TENT4A: variants seen among roughly 807,000 people sequenced by gnomAD.
TENT4A encodes DNA polymerase kappa.
In TENT4A, 7 loss-of-function variants were observed where a neutral mutation model predicts 72.8. The observed-to-expected ratio is 0.10, with a 90% confidence interval of 0.05 to 0.18. TENT4A has a LOEUF of 0.18. Among genes scored for constraint, TENT4A ranks in the 10% least tolerant of loss-of-function variants. TENT4A has a pLI of 1.00. For missense variants in TENT4A, 831 were observed against 1,017.7 expected (o/e 0.82, Z 2.50); for synonymous variants, 456 against 434.3 (o/e 1.05, Z -0.62).
chr5:6,725,007 G>A (rs1740839228), intron 1 of TENT4A, among the ~76,000 whole-genome samples: 1 of 152,232 alleles, frequency 6.6e-6, no homozygotes, highest in South Asian at 2.1e-4. Flanking sequence ...AGCGAGAATT[G>A]TCCAAAGAGA....
intron 1 of TENT4A, among the ~76,000 whole-genome samples, chr5:6,733,773 G>A (rs758746817): frequency 2.0e-5 from 3 of 152,224 alleles, no homozygotes; most frequent in Non-Finnish European, 4.4e-5. Flanking sequence ...AGTAAAGGAG[G>A]TATGTTGTAG....
chr5:6,722,776 A>G (rs1740725668), intron 1 of TENT4A, among the ~76,000 whole-genome samples: 2 of 152,192 alleles, frequency 1.3e-5, no homozygotes, highest in African/African-American at 2.4e-5. Flanking sequence ...AGCTTCTAAC[A>G]TAGTGTTCTG....
rs747425855 is a variant in TENT4A at position 6,750,398 on chromosome 5, C to T, written c.1755C>T (p.Pro585=). 21 of 1,613,054 alleles carry T rather than the reference C, an allele frequency of 1.3e-5. No individual in the cohort carries two copies. Among genetic ancestry groups the T allele is most frequent in the Middle Eastern group, 1.6e-4 (1 of 6,078 alleles). ...CNGEQTQNRE[P]ESPYGQRLTL... ...GGGAGCAGACGCAGAACCGAGAGCC[C>T]GAGTCTCCCTATGGCCAGCGCTTGA... Residue 585 remains proline, a synonymous_variant, in exon 10 of 13, where the codon CCC becomes CCT. Coordinates refer to ENST00000230859, the MANE Select transcript of TENT4A (RefSeq NM_006999.6).
chr5:6,742,413 A>T (rs1463859138), intron 4 of TENT4A, 77 bp from the exon 5 acceptor site: 2 of 898,724 alleles, frequency 2.2e-6, no homozygotes, highest in East Asian at 4.9e-5. Context: ...ACCTCTGTAC[A>T]GCTTTGGCAG....
chr5:6,741,165 A>G (rs1301790422), intron 4 of TENT4A, among the ~76,000 whole-genome samples: 1 of 152,128 alleles, frequency 6.6e-6, no homozygotes, highest in Non-Finnish European at 1.5e-5. Context: ...ACTGTCGCAT[A>G]TTGGCTACTA....
rs1166829680 is a variant in TENT4A at position 6,737,566 on chromosome 5, C to T, written c.773C>T (p.Ala258Val). 7 of 1,613,900 alleles carry T rather than the reference C, an allele frequency of 4.3e-6. No individual in the cohort carries two copies. The highest frequency in any genetic ancestry group is 5.1e-6 in the Non-Finnish European group (6 of 1,179,856). Residue 258 changes from alanine (A) to valine (V), a missense_variant, in exon 2 of 13, where the codon GCA (alanine) becomes GTA (valine). Ala to Val is a moderately conservative substitution (Grantham distance 64). Transcript: ENST00000230859. ...TTCATGTCCCCTTGTCCTGAAGAAG[C>T]AGCTATGAGAAGAGAGGTGGTGAAA... is the stretch of plus-strand genomic sequence containing the variant. The part of the protein sequence containing the change: ...YNFMSPCPEE[A>V]AMRREVVKRI...
chr5:6,714,211 C>G lies in TENT4A; in HGVS notation c.228C>G (p.Pro76=), dbSNP rs1206580155. The G allele has an allele frequency of 1.1e-5, 11 of 973,400 alleles. No homozygotes were observed. The highest frequency in any genetic ancestry group is 6.4e-5 in the Admixed American group (1 of 15,708). The allele number at this position is 973,400 out of a possible 1,614,324, so 60.3% of individuals were successfully genotyped here. A position where few individuals can be genotyped will look rare whatever the true frequency, so the allele number is the denominator to read the frequency against. ...PALPAASPPP[P]GPTAPAALPP... is the part of the protein sequence containing the mutation. ...TGCCCGCCGCGTCGCCCCCGCCGCC[C>G]GGCCCCACCGCGCCCGCCGCGCTGC... The change falls in exon 1 of 13, where the codon CCC becomes CCG. Residue 76 remains proline (P), a synonymous_variant. Coordinates refer to ENST00000230859, the MANE Select transcript of TENT4A (RefSeq NM_006999.6).
intron 5 of TENT4A, among the ~76,000 whole-genome samples, chr5:6,742,982 G>T (rs375947375): frequency 6.6e-6 from 1 of 152,186 alleles, no homozygotes; most frequent in African/African-American, 2.4e-5. Context: ...CTGAGGATGG[G>T]CAGAGAGACT....
Position 6,754,785 on chromosome 5 carries a change from C to T in TENT4A, c.2219C>T (p.Ser740Phe), listed in dbSNP as rs750379826. 12 of 1,598,240 alleles carry T rather than the reference C, an allele frequency of 7.5e-6. No individual in the cohort carries two copies. Among genetic ancestry groups the T allele is most frequent in the Non-Finnish European group, 1.0e-5 (12 of 1,167,424 alleles). The change falls in exon 13 of 13, where the codon TCT becomes TTT. Residue 740 changes from serine (S) to phenylalanine (F), a missense_variant. Transcript: ENST00000230859. ...GGCATGAAACTGTCCATGAAGGGCT[C>T]TCACGGCCACACCCAAGGCGGCGGC... is the stretch of plus-strand genomic sequence containing the variant. ...HNGMKLSMKG[S>F]HGHTQGGGYS... is the part of the protein sequence containing the mutation.
chr5:6,751,305 T>G, intron 11 of TENT4A, 108 bp downstream of exon 11: 2 of 1,195,922 alleles, frequency 1.7e-6, no homozygotes, highest in East Asian at 2.4e-5. Flanking sequence ...AAGAGTAACT[T>G]TTTGAGTATT....
intron 1 of TENT4A, among the ~76,000 whole-genome samples, chr5:6,723,155 ATTGT>A (rs1274920344): frequency 5.3e-5 from 8 of 152,234 alleles, no homozygotes; most frequent in African/African-American, 1.4e-4. Context: ...AGCTCTAGAA[ATTGT>A]TTGAGTTTCC....
chr5:6,734,034 G>A (rs73033401), intron 1 of TENT4A, among the ~76,000 whole-genome samples: 3,435 of 152,336 alleles, frequency 0.023, 96 homozygotes, highest in African/African-American at 0.068. Context: ...GTGTACATCA[G>A]CAATGACAAG....
intron 1 of TENT4A, among the ~76,000 whole-genome samples, chr5:6,719,273 A>G (rs184250202): frequency 2.9e-4 from 44 of 152,340 alleles, no homozygotes; most frequent in African/African-American, 1.0e-3. Flanking sequence ...AGAAGAGTTA[A>G]TAGTTATCCT....
intron 7 of TENT4A, among the ~76,000 whole-genome samples, chr5:6,746,760 C>G (rs1054592679): frequency 2.6e-5 from 4 of 152,130 alleles, no homozygotes; most frequent in Non-Finnish European, 4.4e-5. Context: ...GCCATAATCC[C>G]CTTTTATTTG....
Position 6,755,600 on chromosome 5 carries a change from C to T in TENT4A, c.*655C>T, listed in dbSNP as rs1337595669. On this transcript the variant is annotated 3_prime_UTR_variant, in exon 13 of 13. Coordinates refer to ENST00000230859, the MANE Select transcript of TENT4A (RefSeq NM_006999.6). ...GCTGGTTGTCTGACGAGCATCGTTA[C>T]AAACACCATGATGAGGGGTTTGGGG... is the stretch of plus-strand genomic sequence containing the variant. 6.6e-6 allele frequency: 1 copy of T among 152,582 alleles called. No individual in the cohort carries two copies. Among genetic ancestry groups the T allele is most frequent in the Non-Finnish European group, 1.5e-5 (1 of 68,044 alleles). The allele number at this position is 152,582 out of a possible 1,614,324, so 9.5% of individuals were successfully genotyped here.
chr5:6,722,056 A>G (rs775503568), intron 1 of TENT4A, among the ~76,000 whole-genome samples: 1 of 152,182 alleles, frequency 6.6e-6, no homozygotes, highest in African/African-American at 2.4e-5. Flanking sequence ...GGTGGAGTCC[A>G]TTTCTCAGCT....
chr5:6,723,348 G>C (rs1337519341), intron 1 of TENT4A, among the ~76,000 whole-genome samples: 2 of 152,154 alleles, frequency 1.3e-5, no homozygotes, highest in Non-Finnish European at 2.9e-5. Context: ...TGGTGCAGAC[G>C]GTCACTTCCT....
At chr5:6,720,886 A>G (rs182957295) in intron 1 of TENT4A, among the ~76,000 whole-genome samples, 39 of 152,030 alleles carry the variant, frequency 2.6e-4, no homozygotes, top group Non-Finnish European at 5.4e-4. Flanking sequence ...TCTTAAGTTG[A>G]TAGCAGTCTA....
chr5:6,730,933 T>C (rs1489764003), intron 1 of TENT4A, among the ~76,000 whole-genome samples: 1 of 152,186 alleles, frequency 6.6e-6, no homozygotes, highest in Non-Finnish European at 1.5e-5. Flanking sequence ...ATAGAAGCAA[T>C]GCAGTCATTC....
Sources: gnomAD v4.1 joint callset for allele counts (sites outside exome capture counted in the v4.1 genomes callset) on GRCh38, gnomAD v4.1.1 for gene constraint, MANE v1.5 for transcripts, NCBI Gene and HGNC (gene_info 2026-07-23, HGNC 2026-07-21) for gene names.